Variants in PSPC1 observed in about 807,000 individuals in gnomAD.
PSPC1 encodes paraspeckle component 1.
Under a neutral mutation model 51.6 loss-of-function variants are expected in PSPC1, and 14 were observed. The observed-to-expected ratio is 0.27, with a 90% CI of 0.18 to 0.42. The LOEUF (loss-of-function observed/expected upper bound fraction) is 0.42. Ranked by LOEUF, PSPC1 falls within the 10% of genes least tolerant of loss-of-function variation. The probability of loss-of-function intolerance (pLI) is 1.00; values close to 1 mark genes in which losing one functional copy is unlikely to be tolerated. For synonymous variants in PSPC1, 193 were observed against 231.9 expected, an observed-to-expected ratio of 0.83 and a Z score of 1.53; for missense variants, 406 against 701.1, an observed-to-expected ratio of 0.58 and a Z score of 4.75.
At chr13:19,738,965 C>T (rs73166991) in intron 5 of PSPC1, among the ~76,000 whole-genome samples, 4,824 of 151,298 alleles carry the variant, frequency 0.032, 87 homozygotes, top group Middle Eastern at 0.072. Flanking sequence ...AGTATATACA[C>T]AATTTTTCCC....
intron 6 of PSPC1, among the ~76,000 whole-genome samples, chr13:19,710,601 A>T (rs1236620576): frequency 6.6e-6 from 1 of 152,212 alleles, no homozygotes; most frequent in Non-Finnish European, 1.5e-5. Flanking sequence ...AAGACTGTTG[A>T]AAAGCACCTA....
At chr13:19,710,653 T>TTGCCAAACGTAATG (rs1478209771) in intron 6 of PSPC1, among the ~76,000 whole-genome samples, 1 of 152,124 alleles carries the variant, frequency 6.6e-6, no homozygotes, top group Non-Finnish European at 1.5e-5. Flanking sequence ...GGAAACGTAA[T>TTGCCAAACGTAATG]TGCCATTAAG....
At chr13:19,714,887 T>TCC (rs1402761865) in intron 6 of PSPC1, among the ~76,000 whole-genome samples, 4 of 152,174 alleles carry the variant, frequency 2.6e-5, no homozygotes, top group Non-Finnish European at 5.9e-5. Context: ...AACATACTCC[T>TCC]CCCTTATCAC....
At chr13:19,752,426 A>C in intron 3 of PSPC1, among the ~76,000 whole-genome samples, 1 of 152,064 alleles carries the variant, frequency 6.6e-6, no homozygotes. Context: ...ATATATACAT[A>C]TATATGTAAA....
chr13:19,774,805 C>CAAAAAAAAAAAAAA (rs748014285), intron 1 of PSPC1, among the ~76,000 whole-genome samples: 1 of 56,174 alleles, frequency 1.8e-5, no homozygotes, highest in African/African-American at 7.5e-5. Context: ...ACTCTGTGTC[C>CAAAAAAAAAAAAAA]AAAAAAAAAA....
chr13:19,686,106 T>G (rs1156807780), intron 6 of PSPC1, among the ~76,000 whole-genome samples: 3 of 152,204 alleles, frequency 2.0e-5, no homozygotes, highest in Admixed American at 6.5e-5. Context: ...AATTCTCTAT[T>G]AAGTAGCTAA....
chr13:19,698,738 A>C (rs1413628888), downstream of PSPC1, among the ~76,000 whole-genome samples: 1 of 151,974 alleles, frequency 6.6e-6, no homozygotes, highest in Non-Finnish European at 1.5e-5. Flanking sequence ...AAAATACAGG[A>C]TCTTTCGCAG....
At chr13:19,744,709 C>T (rs1593688650) in intron 4 of PSPC1, among the ~76,000 whole-genome samples, 1 of 152,098 alleles carries the variant, frequency 6.6e-6, no homozygotes, top group Non-Finnish European at 1.5e-5. Flanking sequence ...GGATTATAGG[C>T]GCCCACAACC....
At chr13:19,730,966 A>AAAAAAAAC (rs1884013592) in intron 5 of PSPC1, among the ~76,000 whole-genome samples, 3 of 25,502 alleles carry the variant, frequency 1.2e-4, no homozygotes, top group Non-Finnish European at 2.7e-4. Flanking sequence ...ACAAAAAAAC[A>AAAAAAAAC]AAAAAAAAAA....
chr13:19,680,394 A>T (rs1354769270), intron 6 of PSPC1, among the ~76,000 whole-genome samples: 3 of 152,046 alleles, frequency 2.0e-5, no homozygotes, highest in Non-Finnish European at 4.4e-5. Context: ...TTCTGTTTAA[A>T]CTGGTCTTAC....
rs147594142 is a variant in PSPC1, at chr13:19,722,594, G to C, written c.1158+7645C>G. ...GGATCACCTGAGGACAGGGGTTCGA[G>C]ACCAGCCTGGCCAACACGGTGAAAC... On this transcript the variant is annotated intron_variant, in intron 6 of 8. Transcript: ENST00000338910. 1.8e-4 allele frequency among the ~76,000 whole-genome samples: 28 copies of C among 152,268 alleles called. 1 individual carries two copies. In the East Asian group the frequency reaches 4.6e-3, roughly 25 times the overall value.
At chr13:19,777,170 C>T (rs1320979478) in intron 1 of PSPC1, among the ~76,000 whole-genome samples, 2 of 145,328 alleles carry the variant, frequency 1.4e-5, no homozygotes, top group Non-Finnish European at 3.0e-5. Context: ...ACCTGTACAC[C>T]TGTAATCCCA....
Position 19,753,283 on chromosome 13 carries a change from C to CAAAA in PSPC1, c.771-1820_771-1817dup, listed in dbSNP as rs1184204944. ...GGGCAACAAGAGCAAGACTCCATCT[C>CAAAA]AAAAAAAAAAAAAAAAAAAAGGCTC... On this transcript the variant is annotated intron_variant, in intron 3 of 8. Transcript: ENST00000338910. Among the ~76,000 whole-genome samples the CAAAA allele has an allele frequency of 2.2e-3, 143 of 64,528 alleles. 1 individual carries two copies. Among genetic ancestry groups the CAAAA allele is most frequent in the African/African-American group, 7.2e-3 (136 of 18,906 alleles). 42.3% of individuals were successfully genotyped at this position (64,528 alleles called of 152,430 possible).
intron 6 of PSPC1, among the ~76,000 whole-genome samples, chr13:19,725,139 T>C (rs1393078819): frequency 4.6e-5 from 7 of 152,332 alleles, no homozygotes; most frequent in Middle Eastern, 3.4e-3. Flanking sequence ...ATCACGCCAC[T>C]GAACTCCAGC....
At position 19,782,836 on chromosome 13, in the gene PSPC1, C is replaced by T. The variant is rs918836784; in HGVS notation, c.-79G>A. ...GTCTATATATATGTATACGTCTCTACATAAACCTATGCCAACAAAATATCG... is the reference window on the plus strand; with the variant it reads ...GTCTATATATATGTATACGTCTCTATATAAACCTATGCCAACAAAATATCG... On this transcript the variant is annotated 5_prime_UTR_variant, in exon 1 of 9. The change abolishes an upstream ATG in the 5' untranslated region. Transcript: ENST00000338910. This position sits in a 1 kb window ranked among gnomAD's most constrained non-coding sequence, Gnocchi z 4.5. 2.9e-6 allele frequency: 4 copies of T among 1,372,832 alleles called. No homozygotes were observed. Among genetic ancestry groups the T allele is most frequent in the Non-Finnish European group, 2.8e-6 (3 of 1,064,234 alleles). The allele number at this position is 1,372,832 out of a possible 1,614,324, so 85.0% of individuals were successfully genotyped here. A position where few individuals can be genotyped will look rare whatever the true frequency, so the allele number is the denominator to read the frequency against.
downstream of PSPC1, among the ~76,000 whole-genome samples, chr13:19,701,662 T>C (rs1390150963): frequency 6.6e-6 from 1 of 152,198 alleles, no homozygotes; most frequent in Non-Finnish European, 1.5e-5. Flanking sequence ...TACAACCAAC[T>C]GCTTTTATGC....
chr13:19,705,619 T>C, intron 8 of PSPC1, 43 bp downstream of exon 8: 1 of 1,429,776 alleles, frequency 7.0e-7, no homozygotes, highest in Non-Finnish European at 9.5e-7. Context: ...TGCAGAAGTG[T>C]ACATTACTGA....
intron 7 of PSPC1, among the ~76,000 whole-genome samples, chr13:19,708,604 C>T (rs1881002186): frequency 6.6e-6 from 1 of 152,158 alleles, no homozygotes; most frequent in Non-Finnish European, 1.5e-5. Context: ...TGCTAATATG[C>T]TTTCTTAAAA....
At chr13:19,709,457 T>C (rs1565980726) in intron 7 of PSPC1, 85 bp downstream of exon 7, 4 of 1,064,532 alleles carry the variant, frequency 3.8e-6, no homozygotes, top group East Asian at 2.5e-5. Context: ...TTTTAGTTTC[T>C]TACTGATATG....
Sources: gnomAD v4.1 joint callset for allele counts (sites outside exome capture counted in the v4.1 genomes callset) on GRCh38, gnomAD v4.1.1 for gene constraint, Gnocchi (gnomAD v3.1) non-coding constraint, MANE v1.5 for transcripts, NCBI Gene and HGNC (gene_info 2026-07-23, HGNC 2026-07-21) for gene names.